Variants in FBXL20 observed in about 807,000 individuals in gnomAD.
FBXL20 encodes the protein F-box/LRR-repeat protein 20.
A neutral mutation model predicts 64.0 loss-of-function variants in FBXL20; 11 were observed. That is an observed-to-expected ratio of 0.17 (90% confidence interval 0.11 to 0.28). FBXL20 has a LOEUF of 0.28. FBXL20 is among the 10% of genes least tolerant of loss of function. FBXL20 has a pLI of 1.00. For synonymous variants in FBXL20, 184 were observed against 189.0 expected (o/e 0.97, Z 0.22); for missense variants, 303 against 526.2 (o/e 0.58, Z 4.15).
At chr17:39,335,792 G>C (rs2047516023) in intron 2 of FBXL20, among the ~76,000 whole-genome samples, 1 of 152,114 alleles carries the variant, frequency 6.6e-6, no homozygotes, top group South Asian at 2.1e-4. Flanking sequence ...ATTCCAGCTT[G>C]TTAAACCATT....
chr17:39,317,701 GTTTTTTTTTTTT>G (rs1238194174), intron 2 of FBXL20, among the ~76,000 whole-genome samples: 1,207 of 44,282 alleles, frequency 0.027, 15 homozygotes, highest in African/African-American at 0.1. Context: ...TTTTTTTTTT[GTTTTTTTTTTTT>G]TTTTTTGAGA....
intron 1 of FBXL20, among the ~76,000 whole-genome samples, chr17:39,377,503 G>GT (rs1338044040): frequency 9.2e-5 from 13 of 141,726 alleles, no homozygotes; most frequent in African/African-American, 3.3e-4. Flanking sequence ...CTTTTTTGTT[G>GT]TTGTTTTTTT....
At chr17:39,390,655 A>G (rs1270142836) in intron 1 of FBXL20, among the ~76,000 whole-genome samples, 1 of 152,034 alleles carries the variant, frequency 6.6e-6, no homozygotes. Context: ...TGGGCCCCAG[A>G]GGTCAAGGCT....
At chr17:39,310,176 A>G (rs969206461) in intron 2 of FBXL20, among the ~76,000 whole-genome samples, 3 of 151,272 alleles carry the variant, frequency 2.0e-5, no homozygotes, top group East Asian at 1.9e-4. Flanking sequence ...AAAGAAAAGA[A>G]ACGAAACAAC....
upstream of FBXL20, chr17:39,402,355 G>C (rs1401684716): frequency 9.0e-6 from 5 of 556,386 alleles, no homozygotes; most frequent in South Asian, 9.0e-5. Context: ...GGGAGGCCTG[G>C]GGGGCCGGGG....
intron 2 of FBXL20, among the ~76,000 whole-genome samples, chr17:39,321,464 C>CAA (rs71147318): frequency 0.014 from 1,252 of 88,234 alleles, 22 homozygotes; most frequent in African/African-American, 0.048. Flanking sequence ...GAATCTGTCT[C>CAA]AAAAAAAAAA....
At chr17:39,268,285 G>A (rs550232582) in intron 12 of FBXL20, among the ~76,000 whole-genome samples, 2 of 152,190 alleles carry the variant, frequency 1.3e-5, no homozygotes, top group African/African-American at 2.4e-5. Context: ...TCTGGGAGGT[G>A]GAGGTTGCAG....
chr17:39,269,475 G>A (rs1176539084), intron 11 of FBXL20, among the ~76,000 whole-genome samples: 1 of 151,204 alleles, frequency 6.6e-6, no homozygotes, highest in Non-Finnish European at 1.5e-5. Flanking sequence ...TTACAGGCGT[G>A]AGCCATCGCG....
At chr17:39,394,784 C>A (rs2048167192) in intron 1 of FBXL20, among the ~76,000 whole-genome samples, 1 of 152,000 alleles carries the variant, frequency 6.6e-6, no homozygotes, top group Non-Finnish European at 1.5e-5. Flanking sequence ...GTCTCGAACT[C>A]CTGACCTCAA....
At position 39,269,499 on chromosome 17, in the gene FBXL20, C is replaced by CTT. The variant is rs1024012415; in HGVS notation, c.889-630_889-629dup. 7.5e-3 allele frequency among the ~76,000 whole-genome samples: 873 copies of CTT among 116,704 alleles called. 15 individuals are homozygous for CTT. The highest frequency in any genetic ancestry group is 0.028 in the African/African-American group (839 of 29,722). 76.6% of individuals were successfully genotyped at this position (116,704 alleles called of 152,430 possible). On this transcript the variant is annotated intron_variant, in intron 11 of 14. Coordinates refer to ENST00000264658, the MANE Select transcript of FBXL20 (RefSeq NM_032875.3). ...TGAGCCATCGCGCCCGGCCTTTCCT[C>CTT]TTTTTTTTTTTTTTTTTTGAGACAG... is the stretch of plus-strand genomic sequence containing the variant.
chr17:39,368,816 G>A (rs561680552), intron 1 of FBXL20, among the ~76,000 whole-genome samples: 5 of 151,704 alleles, frequency 3.3e-5, no homozygotes, highest in African/African-American at 7.3e-5. Context: ...CCACCACACC[G>A]GGCTAATTTT....
Position 39,401,534 on chromosome 17 carries a change from G to C in FBXL20, c.-132C>G. ...GGGTGACGCCGGGACCGTGGGACGG[G>C]AACAAGAGACCTCTCGGCTCCGGCT... On this transcript the variant is annotated 5_prime_UTR_variant, in exon 1 of 15. Transcript: ENST00000264658. 1 of 1,440,472 alleles carries C rather than the reference G, an allele frequency of 6.9e-7. No individual in the cohort carries two copies. The allele number at this position is 1,440,472 out of a possible 1,614,324, so 89.2% of individuals were successfully genotyped here. A position where few individuals can be genotyped will look rare whatever the true frequency, so the allele number is the denominator to read the frequency against.
At chr17:39,367,319 CT>C (rs572558102) in intron 1 of FBXL20, among the ~76,000 whole-genome samples, 303 of 138,718 alleles carry the variant, frequency 2.2e-3, no homozygotes, top group Admixed American at 3.4e-3. Context: ...TTTTTCTTTT[CT>C]TTTTTTTTTT....
At chr17:39,291,383 T>C (rs1436659938) in intron 6 of FBXL20, among the ~76,000 whole-genome samples, 1 of 151,730 alleles carries the variant, frequency 6.6e-6, no homozygotes, top group Non-Finnish European at 1.5e-5. Flanking sequence ...GAGGAGAGAC[T>C]CTTTTCTAGC....
At chr17:39,302,953 C>A (rs1230135197) in intron 3 of FBXL20, among the ~76,000 whole-genome samples, 2 of 151,720 alleles carry the variant, frequency 1.3e-5, no homozygotes, top group East Asian at 3.9e-4. Flanking sequence ...GCTCTGTCGC[C>A]CAGGGTAGAG....
At chr17:39,372,291 C>T (rs2047925384) in intron 1 of FBXL20, among the ~76,000 whole-genome samples, 1 of 151,796 alleles carries the variant, frequency 6.6e-6, no homozygotes, top group Non-Finnish European at 1.5e-5. Context: ...GAGGCTGAGG[C>T]AGGTGGATCA....
chr17:39,395,109 A>C (rs1597840588), intron 1 of FBXL20, among the ~76,000 whole-genome samples: 2 of 152,304 alleles, frequency 1.3e-5, no homozygotes, highest in East Asian at 3.9e-4. Flanking sequence ...ATGACCTAAA[A>C]CATAAGAAGA....
chr17:39,372,516 C>CAAAAAAAAA (rs747264126), intron 1 of FBXL20, among the ~76,000 whole-genome samples: 1 of 41,162 alleles, frequency 2.4e-5, no homozygotes, highest in African/African-American at 7.6e-5. Flanking sequence ...AGACTCTGAC[C>CAAAAAAAAA]AAAAAAAAAA....
chr17:39,270,919 TA>T (rs1430736019), intron 10 of FBXL20, 63 bp from the exon 11 acceptor site: 1 of 1,315,512 alleles, frequency 7.6e-7, no homozygotes, highest in Non-Finnish European at 1.0e-6. Flanking sequence ...CTGAGTTTAT[TA>T]AAACAGTAAG....
Sources: allele counts gnomAD v4.1 joint callset (sites outside exome capture counted in the v4.1 genomes callset), GRCh38; gene constraint gnomAD v4.1.1; transcripts MANE v1.5; gene names NCBI Gene and HGNC (gene_info 2026-07-23, HGNC 2026-07-21).